Variants in MROH7 observed in about 807,000 individuals in gnomAD.
MROH7 encodes maestro heat-like repeat-containing protein family member 7.
A neutral mutation model predicts 129.2 loss-of-function variants in MROH7; 113 were observed. The ratio of observed to expected loss-of-function variants is 0.87; its 90% CI spans 0.75 to 1.02. The LOEUF (loss-of-function observed/expected upper bound fraction) is 1.02, where lower values mean the gene tolerates loss of function less well. MROH7 is among the 50% of genes least tolerant of loss of function. The pLI is 0.00. For missense variants in MROH7, 1,601 were observed against 1,671.3 expected (o/e 0.96, Z 0.73); for synonymous variants, 655 against 667.9 (o/e 0.98, Z 0.30).
chr1:54,707,117 T>C (rs1296837004), intron 22 of MROH7, among the ~76,000 whole-genome samples: 1 of 152,114 alleles, frequency 6.6e-6, no homozygotes, highest in Non-Finnish European at 1.5e-5. Flanking sequence ...AAACTTTCTT[T>C]TTGGAAAAAA....
At chr1:54,644,965 A>C (rs1266051036) in intron 1 of MROH7, among the ~76,000 whole-genome samples, 1 of 151,862 alleles carries the variant, frequency 6.6e-6, no homozygotes, top group Non-Finnish European at 1.5e-5. Context: ...ACCTGTCACC[A>C]TACCTGGCTA....
chr1:54,672,186 TGTA>T (rs1470906018), intron 7 of MROH7, among the ~76,000 whole-genome samples: 2 of 151,582 alleles, frequency 1.3e-5, no homozygotes, highest in African/African-American at 4.9e-5. Context: ...GCCGCCCTCT[TGTA>T]GTATCAGATT....
rs778263944 is a variant in MROH7 at position 54,691,803 on chromosome 1, A to AAAGT, written c.2712-621_2712-620insAAGT. Among the ~76,000 whole-genome samples the AAAGT allele has an allele frequency of 2.6e-3, 272 of 104,178 alleles. 1 individual carries two copies. The highest frequency in any genetic ancestry group is 0.011 in the African/African-American group (267 of 25,392). The allele number at this position is 104,178 out of a possible 152,430, so 68.3% of individuals were successfully genotyped here. On this transcript the variant is annotated intron_variant, in intron 15 of 23. Coordinates refer to ENST00000421030, the MANE Select transcript of MROH7 (RefSeq NM_001039464.4). ...CCTGGCGACAAAAAAAAAAAAAAAA[A>AAAGT]GTGTGTGTGTGTGTGTGTGTGTGTG...
chr1:54,669,059 C>G, intron 5 of MROH7, 122 bp downstream of exon 5: 1 of 682,682 alleles, frequency 1.5e-6, no homozygotes, highest in Non-Finnish European at 2.5e-6. Flanking sequence ...GATGAGGAGG[C>G]AGGACATCGG....
At position 54,679,251 on chromosome 1, in the gene MROH7, C is replaced by T. The variant is rs756163934; in HGVS notation, c.2050-12C>T. The T allele has an allele frequency of 4.3e-6, 7 of 1,614,032 alleles. No individual in the cohort carries two copies. Among genetic ancestry groups the T allele is most frequent in the East Asian group, 2.2e-5 (1 of 44,858 alleles). The stretch of plus-strand genomic sequence containing the variant: ...CCATCAGTGTGTCATGATCTCAGCA[C>T]CTTTGTTTCAGGAATTTGGAGACTT... On this transcript the variant is annotated splice_polypyrimidine_tract_variant and intron_variant, in intron 11 of 23. Coordinates refer to ENST00000421030, the MANE Select transcript of MROH7 (RefSeq NM_001039464.4).
chr1:54,689,060 G>A (rs908337920), intron 15 of MROH7, among the ~76,000 whole-genome samples: 1 of 152,180 alleles, frequency 6.6e-6, no homozygotes, highest in African/African-American at 2.4e-5. Context: ...CTAAATGGTG[G>A]CCCCCGAAAG....
chr1:54,660,802 C>A (rs564972259), intron 3 of MROH7, among the ~76,000 whole-genome samples: 145 of 148,598 alleles, frequency 9.8e-4, no homozygotes, highest in African/African-American at 3.5e-3. Flanking sequence ...GCAACAAGAG[C>A]AAAACTCCAT....
intron 7 of MROH7, among the ~76,000 whole-genome samples, chr1:54,671,324 CG>C (rs1553171987): frequency 6.6e-6 from 1 of 152,202 alleles, no homozygotes; most frequent in Non-Finnish European, 1.5e-5. Context: ...GGCTGGAACC[CG>C]GGAGGCAGAG....
intron 3 of MROH7, among the ~76,000 whole-genome samples, chr1:54,660,814 T>C (rs1379592010): frequency 6.6e-6 from 1 of 150,828 alleles, no homozygotes; most frequent in Non-Finnish European, 1.5e-5. Flanking sequence ...AAACTCCATC[T>C]CCAGAAAAAA....
intron 9 of MROH7, 38 bp from the exon 10 acceptor site, chr1:54,673,978 C>A: frequency 6.2e-7 from 1 of 1,607,652 alleles, no homozygotes; most frequent in Non-Finnish European, 8.5e-7. Flanking sequence ...CATTATTGAA[C>A]CTATAACACT....
chr1:54,654,297 C>T (rs1224830015), intron 3 of MROH7, 140 bp downstream of exon 3: 1 of 879,414 alleles, frequency 1.1e-6, no homozygotes, highest in Non-Finnish European at 1.7e-6. Flanking sequence ...CTATACTAGA[C>T]ATCTAATAAT....
At chr1:54,673,051 C>T in intron 7 of MROH7, 40 bp from the exon 8 acceptor site, 1 of 1,519,542 alleles carries the variant, frequency 6.6e-7, no homozygotes, top group East Asian at 2.3e-5. Flanking sequence ...GTGTCCGCTC[C>T]AGAGGTGCCT....
chr1:54,687,748 G>A (rs939230982), intron 15 of MROH7, among the ~76,000 whole-genome samples: 1 of 151,846 alleles, frequency 6.6e-6, no homozygotes. Context: ...CTACACCCTT[G>A]CCAACACAAT....
intron 10 of MROH7, among the ~76,000 whole-genome samples, chr1:54,677,491 G>A (rs987101598): frequency 6.6e-6 from 1 of 152,158 alleles, no homozygotes; most frequent in South Asian, 2.1e-4. Flanking sequence ...CACTGCCCAC[G>A]GCCACTCTCA....
intron 19 of MROH7, among the ~76,000 whole-genome samples, chr1:54,701,879 T>A (rs1021144316): frequency 1.3e-5 from 2 of 152,140 alleles, no homozygotes; most frequent in Non-Finnish European, 1.5e-5. Context: ...CCAGTTTTTT[T>A]TTTTTCTTTA....
At chr1:54,644,227 GT>G (rs1208184634) in intron 1 of MROH7, among the ~76,000 whole-genome samples, 2 of 114,104 alleles carry the variant, frequency 1.8e-5, no homozygotes, top group African/African-American at 3.4e-5. Flanking sequence ...TGAGGTTCTG[GT>G]TTTTTTTGGG....
In MROH7 at chr1:54,665,223, G is replaced by T. The variant is rs754783332; in HGVS notation, c.1288G>T (p.Gly430Cys). The T allele has an allele frequency of 1.2e-6, 2 of 1,613,850 alleles. No individual in the cohort carries two copies. Among genetic ancestry groups the T allele is most frequent in the South Asian group, 2.2e-5 (2 of 91,060 alleles). ...LVKVPEKTEG[G>C]NNMALVENVT... ...GAAGGTGCCAGAGAAGACAGAAGGT[G>T]GCAACAACATGGCTCTGGTATGCCT... Residue 430 changes from glycine (G) to cysteine (C), a missense_variant, in exon 4 of 24, where the codon GGC (glycine) becomes TGC (cysteine). By Grantham distance (159) the Gly-to-Cys change is radical. Transcript: ENST00000421030.
intron 10 of MROH7, among the ~76,000 whole-genome samples, chr1:54,676,459 G>T (rs1441201025): frequency 1.3e-5 from 2 of 152,068 alleles, no homozygotes; most frequent in Non-Finnish European, 2.9e-5. Flanking sequence ...GCCCAGGCTG[G>T]ATTGCAGTGG....
rs557892171 is a variant in MROH7, at chr1:54,676,535, G to A, written c.1937-2207G>A. On this transcript the variant is annotated intron_variant, in intron 10 of 23. Coordinates refer to ENST00000421030, the MANE Select transcript of MROH7 (RefSeq NM_001039464.4). ...AGCGATTCTCCTGCCTCAGCCTCCC[G>A]AGTAGCTGGGACTACAGGTGGCTAA... Among the ~76,000 whole-genome samples, 9 of 152,050 alleles carry A rather than the reference G, an allele frequency of 5.9e-5. No homozygotes were observed. The South Asian group carries it at 6.3e-4, about 11-fold the overall frequency.
Sources: gnomAD v4.1 joint callset for allele counts (sites outside exome capture counted in the v4.1 genomes callset) on GRCh38, gnomAD v4.1.1 for gene constraint, MANE v1.5 for transcripts, NCBI Gene and HGNC (gene_info 2026-07-23, HGNC 2026-07-21) for gene names.